Variants in ZDHHC23 observed in about 807,000 individuals in gnomAD.
The protein encoded by ZDHHC23 is palmitoyltransferase ZDHHC23.
In ZDHHC23, 41 loss-of-function variants were observed where a neutral mutation model predicts 40.2. The observed-to-expected ratio is 1.02, with a 90% CI of 0.79 to 1.32. ZDHHC23 has a LOEUF of 1.32. ZDHHC23 is among the 40% of genes most tolerant of loss of function. ZDHHC23 has a pLI of 0.00. For missense variants in ZDHHC23, 471 were observed against 541.5 expected (o/e 0.87, Z 1.29); for synonymous variants, 204 against 210.2 (o/e 0.97, Z 0.26).
chr3:113,966,362 G>A (rs1940168611), downstream of ZDHHC23, among the ~76,000 whole-genome samples: 1 of 152,146 alleles, frequency 6.6e-6, no homozygotes. Flanking sequence ...GAACACTAGG[G>A]GCATCAAGGT....
downstream of ZDHHC23, among the ~76,000 whole-genome samples, chr3:113,963,934 GT>G (rs67934523): frequency 0.38 from 54,506 of 144,980 alleles, 10,234 homozygotes; most frequent in Admixed American, 0.48. Flanking sequence ...AAAAACACAG[GT>G]TTTTTTTTTT....
chr3:113,971,152 C>T, the ZDHHC23 span, among the ~76,000 whole-genome samples: 2 of 152,204 alleles, frequency 1.3e-5, no homozygotes, highest in Non-Finnish European at 2.9e-5. Context: ...CTGATTTCCA[C>T]AATGATTGAA....
At position 113,954,348 on chromosome 3, in the gene ZDHHC23, C is replaced by G. The variant is rs767551820; in HGVS notation, c.810C>G (p.Ala270=). Reference sequence around the variant, plus strand: ...CCAAGTGCCAGCTGGTGCGACCAGCCCGGGCATGGCACTGCCGGATATGTG... The same window carrying G: ...CCAAGTGCCAGCTGGTGCGACCAGCGCGGGCATGGCACTGCCGGATATGTG... ...WCAKCQLVRP[A]RAWHCRICGI... The change falls in exon 3 of 5, where the codon GCC becomes GCG. Residue 270 remains alanine, a synonymous_variant. Transcript: ENST00000638807. 1 of 1,613,334 alleles carries G rather than the reference C, an allele frequency of 6.2e-7. No individual in the cohort carries two copies. The highest frequency in any genetic ancestry group is 8.5e-7 in the Non-Finnish European group (1 of 1,179,530).
At chr3:113,950,517 A>G (rs1281871712) in intron 2 of ZDHHC23, among the ~76,000 whole-genome samples, 1 of 152,146 alleles carries the variant, frequency 6.6e-6, no homozygotes, top group African/African-American at 2.4e-5. Flanking sequence ...CTGTGCCTTC[A>G]TGACCTAATC....
downstream of ZDHHC23, among the ~76,000 whole-genome samples, chr3:113,967,675 G>A (rs887122418): frequency 6.6e-6 from 1 of 152,086 alleles, no homozygotes; most frequent in Non-Finnish European, 1.5e-5. Flanking sequence ...ATTTTGAAAT[G>A]CACAATAGGT....
At chr3:113,952,865 T>C (rs1352521216) in intron 2 of ZDHHC23, among the ~76,000 whole-genome samples, 2 of 152,184 alleles carry the variant, frequency 1.3e-5, no homozygotes, top group African/African-American at 2.4e-5. Context: ...TTTAGAGGCA[T>C]TAATTCCACT....
intron 3 of ZDHHC23, among the ~76,000 whole-genome samples, chr3:113,955,031 G>T (rs1328182569): frequency 6.6e-6 from 1 of 152,220 alleles, no homozygotes; most frequent in Non-Finnish European, 1.5e-5. Flanking sequence ...AGATAATGTT[G>T]CAGCTTCACT....
chr3:113,951,877 C>T (rs1220984629), intron 2 of ZDHHC23, among the ~76,000 whole-genome samples: 1 of 152,218 alleles, frequency 6.6e-6, no homozygotes, highest in Non-Finnish European at 1.5e-5. Context: ...GTGACTCACA[C>T]CTGTAATCCC....
chr3:113,969,831 G>A (rs190781096), downstream of ZDHHC23, among the ~76,000 whole-genome samples: 12 of 152,136 alleles, frequency 7.9e-5, no homozygotes, highest in Non-Finnish European at 1.6e-4. Flanking sequence ...GGCTATTCAG[G>A]GTCTTCTGTG....
Position 113,954,236 on chromosome 3 carries a change from T to C in ZDHHC23, c.698T>C (p.Leu233Pro). Residue 233 changes from leucine (L) to proline (P), a missense_variant, in exon 3 of 5, where the codon CTC (leucine) becomes CCC (proline). Leu to Pro is a moderately conservative substitution (Grantham distance 98). This residue lies in a region of ZDHHC23 where 346 missense variants were observed against 399.8 expected (regional missense o/e 0.87). Coordinates refer to ENST00000638807, the MANE Select transcript of ZDHHC23 (RefSeq NM_001320466.2). ...CCTGGGGCAGACATGTCGGGCAGTC[T>C]CAACAATCGCACAACAAAGGATGAC... The part of the protein sequence containing the change: ...GFPGADMSGS[L>P]NNRTTKDDPK... The C allele has an allele frequency of 6.2e-7, 1 of 1,614,142 alleles. No homozygotes were observed. The highest frequency in any genetic ancestry group is 8.5e-7 in the Non-Finnish European group (1 of 1,180,020).
chr3:113,976,699 T>C, the ZDHHC23 span, among the ~76,000 whole-genome samples: 2 of 151,796 alleles, frequency 1.3e-5, no homozygotes, highest in African/African-American at 2.4e-5. Context: ...AGTGAGTTAC[T>C]ATAGTACCCT....
chr3:113,948,918 C>T lies in ZDHHC23; in HGVS notation c.116C>T (p.Ala39Val). ...CGGAATGGGGAAAAGAACCACGTGG[C>T]TACTTGTTTGTGTGATTGTCAAGAT... ...IDRNGEKNHV[A>V]TCLCDCQDLD... Residue 39 changes from alanine to valine, a missense_variant, in exon 2 of 5, where the codon GCT (alanine) becomes GTT (valine). Transcript: ENST00000638807. 6.2e-7 allele frequency: 1 copy of T among 1,614,130 alleles called. No individual in the cohort carries two copies. The highest frequency in any genetic ancestry group is 2.2e-5 in the East Asian group (1 of 44,878).
At chr3:113,947,942 G>A (rs1437631788), upstream of ZDHHC23, 3 of 148,134 alleles carry the variant, frequency 2.0e-5, no homozygotes, top group East Asian at 4.0e-4. Context: ...CACCGAGCCG[G>A]GCGGGCGGAG....
At chr3:113,971,020 A>G in the ZDHHC23 span, among the ~76,000 whole-genome samples, 1 of 152,156 alleles carries the variant, frequency 6.6e-6, no homozygotes, top group East Asian at 1.9e-4. Flanking sequence ...TAGTGCCGCA[A>G]TAAACATGTG....
At chr3:113,973,536 T>C in the ZDHHC23 span, among the ~76,000 whole-genome samples, 1 of 152,140 alleles carries the variant, frequency 6.6e-6, no homozygotes, top group African/African-American at 2.4e-5. Flanking sequence ...TGAGAAAAAC[T>C]TTCTCTATCC....
At position 113,960,547 on chromosome 3, in the gene ZDHHC23, A is replaced by G. The variant is rs879073994; in HGVS notation, c.*1917A>G. The G allele has an allele frequency of 2.1e-6, 3 of 1,443,346 alleles. No individual in the cohort carries two copies. In the South Asian group the frequency reaches 4.5e-5, roughly 22 times the overall value. The allele number at this position is 1,443,346 out of a possible 1,614,324, so 89.4% of individuals were successfully genotyped here. A position where few individuals can be genotyped will look rare whatever the true frequency, so the allele number is the denominator to read the frequency against. On this transcript the variant is annotated 3_prime_UTR_variant, in exon 5 of 5. Coordinates refer to ENST00000638807, the MANE Select transcript of ZDHHC23 (RefSeq NM_001320466.2). The stretch of plus-strand genomic sequence containing the variant: ...TAGAGCCAACTCTGATTATCTAGCC[A>G]TTGATCATACAAATTGATAGAAACA...
rs147787442 is a variant in ZDHHC23, at chr3:113,954,212, C to T, written c.674C>T (p.Pro225Leu). 240 of 1,614,046 alleles carry T rather than the reference C, an allele frequency of 1.5e-4. No individual in the cohort carries two copies. Among genetic ancestry groups the T allele is most frequent in the Non-Finnish European group, 1.9e-4 (225 of 1,180,032 alleles). Residue 225 changes from proline (P) to leucine (L), a missense_variant, in exon 3 of 5, where the codon CCT becomes CTT. Pro to Leu is a moderately conservative substitution (Grantham distance 98). Around this residue, in one of 3 missense-constraint regions of ZDHHC23, gnomAD observed 346 missense variants for 399.8 expected, o/e 0.87. Coordinates refer to ENST00000638807, the MANE Select transcript of ZDHHC23 (RefSeq NM_001320466.2). Reference protein sequence around the residue: ...RKGQEKTKGFPGADMSGSLNN... With the variant: ...RKGQEKTKGFLGADMSGSLNN... ...GGGCAGGAGAAGACCAAAGGGTTCCCTGGGGCAGACATGTCGGGCAGTCTC... is the reference window on the plus strand; with the variant it reads ...GGGCAGGAGAAGACCAAAGGGTTCCTTGGGGCAGACATGTCGGGCAGTCTC...
intron 2 of ZDHHC23, among the ~76,000 whole-genome samples, 174 bp downstream of exon 2, chr3:113,949,137 G>T (rs1938424164): frequency 6.6e-6 from 1 of 152,192 alleles, no homozygotes; most frequent in African/African-American, 2.4e-5. Flanking sequence ...GATGGATTAC[G>T]CAGTAGTGCA....
chr3:113,962,913 C>G lies in ZDHHC23; in HGVS notation c.*4283C>G, dbSNP rs958074796. The G allele has an allele frequency of 3.9e-5, 6 of 152,160 alleles. No individual in the cohort carries two copies. The highest frequency in any genetic ancestry group is 7.3e-5 in the Non-Finnish European group (5 of 68,040). 9.4% of individuals were successfully genotyped at this position (152,160 alleles called of 1,614,324 possible). On this transcript the variant is annotated 3_prime_UTR_variant, in exon 5 of 5. Coordinates refer to ENST00000638807, the MANE Select transcript of ZDHHC23 (RefSeq NM_001320466.2). Reference sequence around the variant, plus strand: ...ACATGGAAATTTTACAAATTACTTCCATTTATGTAAAATAACGTCCTGTGA... The same window carrying G: ...ACATGGAAATTTTACAAATTACTTCGATTTATGTAAAATAACGTCCTGTGA...
Sources: gnomAD v4.1 joint callset for allele counts (sites outside exome capture counted in the v4.1 genomes callset) on GRCh38, gnomAD v4.1.1 for gene constraint, gnomAD v4.1.1 regional missense constraint, MANE v1.5 for transcripts, NCBI Gene and HGNC (gene_info 2026-07-23, HGNC 2026-07-21) for gene names.